MAPK8IP3: variants seen among roughly 807,000 people sequenced by gnomAD.
MAPK8IP3 encodes the protein mitogen-activated protein kinase 8 interacting protein 3, also known as C-Jun-amino-terminal kinase-interacting protein 3.
In MAPK8IP3, 49 loss-of-function variants were observed where a neutral mutation model predicts 157.8. The observed-to-expected ratio is 0.31, with a 90% CI of 0.25 to 0.39. The LOEUF (loss-of-function observed/expected upper bound fraction) is 0.39, where lower values mean the gene tolerates loss of function less well. MAPK8IP3 is among the 10% of genes least tolerant of loss of function. The pLI is 1.00. For synonymous variants in MAPK8IP3, 897 were observed against 777.7 expected, an observed-to-expected ratio of 1.15 and a Z score of -2.55; for missense variants, 1,478 against 1,889.4, an observed-to-expected ratio of 0.78 and a Z score of 4.04.
In MAPK8IP3 at chr16:1,741,047, T is replaced by C. The variant is rs2040643723; in HGVS notation, c.603-2285T>C. Among the ~76,000 whole-genome samples the C allele has an allele frequency of 6.6e-6, 1 of 152,030 alleles. No individual in the cohort carries two copies. On this transcript the variant is annotated intron_variant, in intron 4 of 31. Coordinates refer to ENST00000610761, the MANE Select transcript of MAPK8IP3 (RefSeq NM_001318852.2). This position sits in a 1 kb window ranked among gnomAD's most constrained non-coding sequence, Gnocchi z 6.9. ...AGGGGTGTGCATCAGGTGGGGCTGG[T>C]GCTGACTCGGGGGGCGACGGGCCAA... is the stretch of plus-strand genomic sequence containing the variant.
In MAPK8IP3 at chr16:1,758,935, G is replaced by A. The variant is rs546507655; in HGVS notation, c.1229-43G>A. 1.0e-4 allele frequency: 169 copies of A among 1,612,096 alleles called. 3 individuals are homozygous for A. In the South Asian group the frequency reaches 1.4e-3, roughly 13 times the overall value. ...TCTCTCCCTTTCTCCCTCTCCTCCC[G>A]CCCTGGTTGCCCATCTCCTGTGGGA... On this transcript the variant is annotated intron_variant, in intron 9 of 31. Transcript: ENST00000610761.
rs2037456141 is a variant in MAPK8IP3, at chr16:1,707,156, A to C, written c.318+499A>C. On this transcript the variant is annotated intron_variant, in intron 1 of 31. Coordinates refer to ENST00000610761, the MANE Select transcript of MAPK8IP3 (RefSeq NM_001318852.2). ...GCTACCTCTGTTGGCTGCCATTCTA[A>C]ACCCATCTAGAAAAGGAATCTTTTG... The C allele has an allele frequency of 1.9e-5, 3 of 157,028 alleles. No homozygotes were observed. The South Asian group carries it at 5.5e-4, about 29-fold the overall frequency. 9.7% of individuals were successfully genotyped at this position (157,028 alleles called of 1,614,324 possible). A position where few individuals can be genotyped will look rare whatever the true frequency, so the allele number is the denominator to read the frequency against.
At chr16:1,748,758 C>T (rs750054948) in intron 8 of MAPK8IP3, 38 bp downstream of exon 8, 6 of 1,531,826 alleles carry the variant, frequency 3.9e-6, no homozygotes, top group Non-Finnish European at 5.4e-6. Context: ...TGTGCCTGCA[C>T]AATGCTGGGG....
intron 4 of MAPK8IP3, among the ~76,000 whole-genome samples, chr16:1,740,746 G>A (rs1340411030): frequency 1.3e-5 from 2 of 152,256 alleles, no homozygotes; most frequent in Admixed American, 6.5e-5. Context: ...TGTCCACTGT[G>A]GTGCTGGGGG....
intron 4 of MAPK8IP3, among the ~76,000 whole-genome samples, chr16:1,737,899 C>T (rs1257660974): frequency 8.0e-5 from 4 of 49,974 alleles, no homozygotes; most frequent in Admixed American, 3.1e-4. Flanking sequence ...TCCGTGTGAG[C>T]GTGTGACCGT....
chr16:1,769,064 A>C lies in MAPK8IP3; in HGVS notation c.*240A>C, dbSNP rs898654186. 28 of 560,822 alleles carry C rather than the reference A, an allele frequency of 5.0e-5. No individual in the cohort carries two copies. Among genetic ancestry groups the C allele is most frequent in the Non-Finnish European group, 4.8e-5 (15 of 314,380 alleles). The allele number at this position is 560,822 out of a possible 1,614,324, so 34.7% of individuals were successfully genotyped here. ...ATGCTCTCGGGACAGTTTCCCGGGCAGCTCCTGGCCAGCTTCCAGCCCAGA... is the reference window on the plus strand; with the variant it reads ...ATGCTCTCGGGACAGTTTCCCGGGCCGCTCCTGGCCAGCTTCCAGCCCAGA... On this transcript the variant is annotated 3_prime_UTR_variant, in exon 32 of 32. Coordinates refer to ENST00000610761, the MANE Select transcript of MAPK8IP3 (RefSeq NM_001318852.2).
chr16:1,754,490 T>C (rs2041478765), intron 8 of MAPK8IP3, among the ~76,000 whole-genome samples: 1 of 151,486 alleles, frequency 6.6e-6, no homozygotes, highest in South Asian at 2.1e-4. Flanking sequence ...TGTCCACAAA[T>C]AGGCCGGGCA....
At chr16:1,761,162 C>A in intron 12 of MAPK8IP3, 62 bp from the exon 13 acceptor site, 1 of 1,364,182 alleles carries the variant, frequency 7.3e-7, no homozygotes, top group Non-Finnish European at 1.0e-6. Context: ...GCACTGCCCG[C>A]TATGTGTTCC....
Position 1,743,769 on chromosome 16 carries a change from C to T in MAPK8IP3, c.747+293C>T, listed in dbSNP as rs2141849039. On this transcript the variant is annotated intron_variant, in intron 5 of 31. Coordinates refer to ENST00000610761, the MANE Select transcript of MAPK8IP3 (RefSeq NM_001318852.2). This position sits in a 1 kb window ranked among gnomAD's most constrained non-coding sequence, Gnocchi z 5.6. ...GCTCTGTAGCCAGGGGTGTACAGTG[C>T]CTGTCAGGGTTGAGCTTAGTGATCC... 1 of 1,305,502 alleles carries T rather than the reference C, an allele frequency of 7.7e-7. No individual in the cohort carries two copies. Among genetic ancestry groups the T allele is most frequent in the East Asian group, 3.7e-5 (1 of 27,388 alleles). 80.9% of individuals were successfully genotyped at this position (1,305,502 alleles called of 1,614,324 possible). A position where few individuals can be genotyped will look rare whatever the true frequency, so the allele number is the denominator to read the frequency against.
chr16:1,753,732 T>C (rs2041433135), intron 8 of MAPK8IP3, among the ~76,000 whole-genome samples: 1 of 149,994 alleles, frequency 6.7e-6, no homozygotes, highest in African/African-American at 2.4e-5. Context: ...TGAGCCACCG[T>C]GCCCAGCCCC....
At chr16:1,761,788 T>C (rs963124930) in intron 13 of MAPK8IP3, among the ~76,000 whole-genome samples, 19 of 147,076 alleles carry the variant, frequency 1.3e-4, no homozygotes, top group African/African-American at 4.6e-4. Context: ...GCAGCCATCA[T>C]TCCCACACAT....
chr16:1,717,713 C>T (rs999179687), intron 1 of MAPK8IP3, among the ~76,000 whole-genome samples: 3 of 152,226 alleles, frequency 2.0e-5, no homozygotes, highest in Non-Finnish European at 4.4e-5. Flanking sequence ...TTTTTATAAT[C>T]TAGTACTATG....
At chr16:1,729,362 G>T in intron 3 of MAPK8IP3, 125 bp from the exon 4 acceptor site, 1 of 1,261,036 alleles carries the variant, frequency 7.9e-7, no homozygotes. Flanking sequence ...AGGCTGGTTA[G>T]ATTCCCCTCC....
intron 8 of MAPK8IP3, among the ~76,000 whole-genome samples, chr16:1,749,581 C>T (rs772914388): frequency 4.3e-4 from 65 of 152,370 alleles, no homozygotes; most frequent in Non-Finnish European, 8.5e-4. Context: ...GTCTCCTGTG[C>T]TCATGGCATC....
intron 2 of MAPK8IP3, 66 bp from the exon 3 acceptor site, chr16:1,729,072 C>A: frequency 6.7e-7 from 1 of 1,482,684 alleles, no homozygotes; most frequent in Non-Finnish European, 9.4e-7. Flanking sequence ...TCTGTGGTTA[C>A]AACCCAAGAG....
chr16:1,767,032 A>G (rs1013315620), intron 25 of MAPK8IP3, 61 bp downstream of exon 25: 2 of 1,568,104 alleles, frequency 1.3e-6, no homozygotes, highest in African/African-American at 2.7e-5. Flanking sequence ...TTGTTTAGCC[A>G]AGGGGCTCCC....
At chr16:1,725,520 G>A (rs1229478237) in intron 2 of MAPK8IP3, among the ~76,000 whole-genome samples, 4 of 151,302 alleles carry the variant, frequency 2.6e-5, no homozygotes, top group Non-Finnish European at 5.9e-5. Context: ...CCAGCTACTC[G>A]GGCAACTGAG....
At chr16:1,752,516 G>A (rs941693473) in intron 8 of MAPK8IP3, 5 of 362,330 alleles carry the variant, frequency 1.4e-5, no homozygotes, top group African/African-American at 1.1e-4. Flanking sequence ...GCCAGGGCAG[G>A]AGGATCACCT....
intron 3 of MAPK8IP3, 35 bp from the exon 4 acceptor site, chr16:1,729,452 C>T (rs1596594373): frequency 2.5e-6 from 4 of 1,579,030 alleles, no homozygotes; most frequent in East Asian, 4.5e-5. Context: ...CAGCCCCCCA[C>T]GGCAGCGCTA....
Sources: gnomAD v4.1 joint callset for allele counts (sites outside exome capture counted in the v4.1 genomes callset) on GRCh38, gnomAD v4.1.1 for gene constraint, Gnocchi (gnomAD v3.1) non-coding constraint, MANE v1.5 for transcripts, NCBI Gene and HGNC (gene_info 2026-07-23, HGNC 2026-07-21) for gene names.